The following UHMK1 variants were observed in gnomAD, a reference collection of about 807,000 sequenced individuals.
UHMK1 encodes serine/threonine-protein kinase Kist.
A neutral mutation model predicts 44.0 loss-of-function variants in UHMK1; 18 were observed. The observed-to-expected ratio is 0.41, with a 90% CI of 0.28 to 0.61. The LOEUF is 0.61. Ranked by LOEUF, UHMK1 falls within the 20% of genes least tolerant of loss-of-function variation. The probability of loss-of-function intolerance (pLI) is 0.31; values close to 1 mark genes in which losing one functional copy is unlikely to be tolerated. For missense variants in UHMK1, 463 were observed against 522.5 expected, an observed-to-expected ratio of 0.89 and a Z score of 1.11; for synonymous variants, 231 against 198.5, an observed-to-expected ratio of 1.16 and a Z score of -1.38.
rs187347079 is a variant in UHMK1 at position 162,504,938 on chromosome 1, C to G, written c.848+1090C>G. Among the ~76,000 whole-genome samples, 412 of 152,090 alleles carry G rather than the reference C, an allele frequency of 2.7e-3. 2 individuals are homozygous for G. Among genetic ancestry groups the G allele is most frequent in the African/African-American group, 9.4e-3 (388 of 41,484 alleles). On this transcript the variant is annotated intron_variant, in intron 4 of 7. Coordinates refer to ENST00000489294, the MANE Select transcript of UHMK1 (RefSeq NM_175866.5). Reference sequence around the variant, plus strand: ...TACAGGTGCATGCCACCATGCCCGGCTAATTTTTGTATTTTTAGTAGAGAC... The same window carrying G: ...TACAGGTGCATGCCACCATGCCCGGGTAATTTTTGTATTTTTAGTAGAGAC...
At position 162,497,870 on chromosome 1, in the gene UHMK1, A is replaced by G. The variant is rs1040637754; in HGVS notation, c.-131A>G. On this transcript the variant is annotated 5_prime_UTR_variant, in exon 1 of 8. Transcript: ENST00000489294. ...TGTCATGGCTGCTTGAAGTCCCGGG[A>G]GTCGGTGAGGCGGCTGCAGGTCCCT... 8.0e-6 allele frequency: 11 copies of G among 1,381,670 alleles called. No homozygotes were observed. The highest frequency in any genetic ancestry group is 9.3e-6 in the Non-Finnish European group (10 of 1,073,010). The allele number at this position is 1,381,670 out of a possible 1,614,324, so 85.6% of individuals were successfully genotyped here.
chr1:162,504,410 A>G (rs1017301724), intron 4 of UHMK1, among the ~76,000 whole-genome samples: 1 of 152,220 alleles, frequency 6.6e-6, no homozygotes, highest in African/African-American at 2.4e-5. Context: ...CTGACATCAT[A>G]TAGTACTTAC....
In UHMK1 at chr1:162,526,328, T is replaced by C. The variant is rs963634030; in HGVS notation, c.*3778T>C. Reference sequence around the variant, plus strand: ...TGAAAATCAGCACCATTGTAAATGATAGTAATTGTAACAACATAGTTACTG... The same window carrying C: ...TGAAAATCAGCACCATTGTAAATGACAGTAATTGTAACAACATAGTTACTG... On this transcript the variant is annotated 3_prime_UTR_variant, in exon 8 of 8. Coordinates refer to ENST00000489294, the MANE Select transcript of UHMK1 (RefSeq NM_175866.5). 6.6e-6 allele frequency: 1 copy of C among 151,970 alleles called. No individual in the cohort carries two copies. The highest frequency in any genetic ancestry group is 1.5e-5 in the Non-Finnish European group (1 of 67,960). The allele number at this position is 151,970 out of a possible 1,614,324, so 9.4% of individuals were successfully genotyped here.
In UHMK1 at chr1:162,501,086, C is replaced by T; in HGVS notation, c.735C>T (p.Val245=). 2 of 1,613,912 alleles carry T rather than the reference C, an allele frequency of 1.2e-6. No homozygotes were observed. The highest frequency in any genetic ancestry group is 1.1e-5 in the South Asian group (1 of 91,028). Residue 245 remains valine, a synonymous_variant, in exon 3 of 8, where the codon GTC becomes GTT. Coordinates refer to ENST00000489294, the MANE Select transcript of UHMK1 (RefSeq NM_175866.5). The part of the protein sequence containing the change: ...MFSGMKLKHT[V]RSQEWKANSS... ...CAGGAATGAAACTGAAACATACAGT[C>T]AGATCTCAGGAATGGAAGGTAAACT...
chr1:162,510,778 C>T (rs7549675), intron 4 of UHMK1, among the ~76,000 whole-genome samples: 69,302 of 151,672 alleles, frequency 0.46, 15,861 homozygotes, highest in East Asian at 0.48. Flanking sequence ...AAACGTGGGC[C>T]TACAGGTATC....
rs1188789277 is a variant in UHMK1, at chr1:162,515,756, C to T, written c.1025-2346C>T. 7.2e-5 allele frequency among the ~76,000 whole-genome samples: 11 copies of T among 152,130 alleles called. No individual in the cohort carries two copies. The South Asian group carries it at 1.0e-3, about 14-fold the overall frequency. On this transcript the variant is annotated intron_variant, in intron 6 of 7. Transcript: ENST00000489294. ...TATCTCTTTAAAACTGAAGCTTGGC[C>T]GGGCGTGGTGGCTCATGCCTGTAAT...
chr1:162,512,864 A>T (rs1190976621), intron 6 of UHMK1, 41 bp downstream of exon 6: 4 of 1,558,638 alleles, frequency 2.6e-6, no homozygotes, highest in African/African-American at 1.4e-5. Flanking sequence ...GTCTTTCTTA[A>T]ATAAGTCTAG....
chr1:162,501,758 A>T (rs1309482183), intron 3 of UHMK1, among the ~76,000 whole-genome samples: 2 of 152,106 alleles, frequency 1.3e-5, no homozygotes, highest in Non-Finnish European at 2.9e-5. Flanking sequence ...AAGTTAAATG[A>T]TAAGTTTTAT....
intron 4 of UHMK1, among the ~76,000 whole-genome samples, chr1:162,510,501 T>C (rs1355726149): frequency 2.6e-5 from 4 of 152,200 alleles, no homozygotes; most frequent in Non-Finnish European, 5.9e-5. Context: ...ACCTGGCTTA[T>C]TATAACACTT....
At chr1:162,516,059 G>A (rs551506802) in intron 6 of UHMK1, among the ~76,000 whole-genome samples, 47 of 151,906 alleles carry the variant, frequency 3.1e-4, no homozygotes, top group African/African-American at 1.1e-3. Flanking sequence ...CAAAACTGAA[G>A]CTTGGCCTGT....
Position 162,524,216 on chromosome 1 carries a change from A to G in UHMK1, c.*1666A>G, listed in dbSNP as rs1353451836. 6.6e-6 allele frequency: 1 copy of G among 152,174 alleles called. No individual in the cohort carries two copies. Among genetic ancestry groups the G allele is most frequent in the Non-Finnish European group, 1.5e-5 (1 of 68,028 alleles). 9.4% of individuals were successfully genotyped at this position (152,174 alleles called of 1,614,324 possible). On this transcript the variant is annotated 3_prime_UTR_variant, in exon 8 of 8. Coordinates refer to ENST00000489294, the MANE Select transcript of UHMK1 (RefSeq NM_175866.5). ...TCCAGTTAGAATTTGCATTTTACAG[A>G]ATGAAATACTTTACCCCATTCAAAC... is the stretch of plus-strand genomic sequence containing the variant.
chr1:162,506,565 C>T (rs1460369063), intron 4 of UHMK1, among the ~76,000 whole-genome samples: 1 of 152,204 alleles, frequency 6.6e-6, no homozygotes, highest in Non-Finnish European at 1.5e-5. Context: ...CAATCTCATA[C>T]ATTTTTGTTT....
chr1:162,502,064 TACCCA>T (rs1651290514), intron 3 of UHMK1, among the ~76,000 whole-genome samples: 3 of 152,156 alleles, frequency 2.0e-5, no homozygotes, highest in Non-Finnish European at 4.4e-5. Context: ...TAGTCCCAGC[TACCCA>T]GGAGGCTGAG....
chr1:162,516,399 A>C (rs1306499118), intron 6 of UHMK1, among the ~76,000 whole-genome samples: 1 of 152,210 alleles, frequency 6.6e-6, no homozygotes, highest in Admixed American at 6.5e-5. Flanking sequence ...TTTCAAATCA[A>C]GTATAGATTA....
rs1049730851 is a variant in UHMK1 at position 162,529,237 on chromosome 1, C to A, written c.*6687C>A. The A allele has an allele frequency of 2.0e-5, 3 of 151,452 alleles. No individual in the cohort carries two copies. The highest frequency in any genetic ancestry group is 7.3e-5 in the African/African-American group (3 of 41,222). The allele number at this position is 151,452 out of a possible 1,614,324, so 9.4% of individuals were successfully genotyped here. On this transcript the variant is annotated 3_prime_UTR_variant, in exon 8 of 8. Transcript: ENST00000489294. ...GGTTCTGCTGTATTATTTGTGATGTCTTATTGTTTGTGAGCTTTTGTTTTT... is the reference window on the plus strand; with the variant it reads ...GGTTCTGCTGTATTATTTGTGATGTATTATTGTTTGTGAGCTTTTGTTTTT...
chr1:162,518,058 T>C (rs1315074148), intron 6 of UHMK1, 44 bp from the exon 7 acceptor site: 1 of 1,368,144 alleles, frequency 7.3e-7, no homozygotes, highest in Non-Finnish European at 1.0e-6. Context: ...TGAATACTTG[T>C]TTATTATATC....
At chr1:162,506,725 C>T (rs1233711872) in intron 4 of UHMK1, among the ~76,000 whole-genome samples, 1 of 152,124 alleles carries the variant, frequency 6.6e-6, no homozygotes, top group Non-Finnish European at 1.5e-5. Context: ...AGTAGCCGGG[C>T]CTGGTGGCAC....
At chr1:162,497,604 C>T (rs925571768), upstream of UHMK1, among the ~76,000 whole-genome samples, 2 of 151,952 alleles carry the variant, frequency 1.3e-5, no homozygotes, top group Non-Finnish European at 2.9e-5. Context: ...AGGTGAGGTG[C>T]CTCAACAAGA....
chr1:162,497,706 T>C, upstream of UHMK1: 1 of 994,604 alleles, frequency 1.0e-6, no homozygotes, highest in Non-Finnish European at 1.3e-6. Context: ...TACTTCTTAT[T>C]CTCGGTTCTT....
Sources: allele counts gnomAD v4.1 joint callset (sites outside exome capture counted in the v4.1 genomes callset), GRCh38; gene constraint gnomAD v4.1.1; transcripts MANE v1.5; gene names NCBI Gene and HGNC (gene_info 2026-07-23, HGNC 2026-07-21).